Variants in FRAS1 observed in about 807,000 individuals in gnomAD.
FRAS1 encodes extracellular matrix organizing protein FRAS1.
In FRAS1, 290 loss-of-function variants were observed where a neutral mutation model predicts 435.2. That is an observed-to-expected ratio of 0.67 (90% confidence interval 0.61 to 0.73). The LOEUF is 0.73. Among genes scored for constraint, FRAS1 ranks in the 30% least tolerant of loss-of-function variants. The pLI, the probability that FRAS1 is intolerant of heterozygous loss-of-function variation, is 0.00. For missense variants in FRAS1, 4,860 were observed against 5,001.5 expected, an observed-to-expected ratio of 0.97 and a Z score of 0.85; for synonymous variants, 1,800 against 1,851.0, an observed-to-expected ratio of 0.97 and a Z score of 0.71.
At chr4:78,147,250 C>G (rs1720456761) in intron 2 of FRAS1, among the ~76,000 whole-genome samples, 1 of 152,168 alleles carries the variant, frequency 6.6e-6, no homozygotes, top group Non-Finnish European at 1.5e-5. Flanking sequence ...TACACTCTCT[C>G]AGATTCCCAC....
intron 2 of FRAS1, among the ~76,000 whole-genome samples, chr4:78,213,277 C>T (rs1044539556): frequency 2.6e-5 from 4 of 152,232 alleles, no homozygotes; most frequent in Non-Finnish European, 4.4e-5. Context: ...AGGTTTGTCC[C>T]CCCATTTGCA....
chr4:78,206,375 C>T (rs1412507787), intron 2 of FRAS1, among the ~76,000 whole-genome samples: 2 of 152,108 alleles, frequency 1.3e-5, no homozygotes, highest in Non-Finnish European at 2.9e-5. Context: ...CCCTCGGAGC[C>T]TTAAGAAAGA....
chr4:78,065,925 GGCAGT>G, intron 1 of FRAS1, 55 bp from the exon 2 acceptor site: 1 of 1,269,506 alleles, frequency 7.9e-7, no homozygotes, highest in Non-Finnish European at 1.1e-6. Flanking sequence ...AGCTTGCTGG[GGCAGT>G]GCCTATTGGT....
chr4:78,465,359 C>T (rs146841576), intron 49 of FRAS1, among the ~76,000 whole-genome samples: 143 of 152,224 alleles, frequency 9.4e-4, no homozygotes, highest in African/African-American at 3.3e-3. Flanking sequence ...CATATTATAT[C>T]AGATACAATA....
chr4:78,180,785 T>G, intron 2 of FRAS1: 1 of 1,051,150 alleles, frequency 9.5e-7, no homozygotes, highest in Non-Finnish European at 1.4e-6. Context: ...TTTTTTAATT[T>G]GTCATTTGGA....
At chr4:78,266,070 C>T (rs759927292) in intron 7 of FRAS1, among the ~76,000 whole-genome samples, 12 of 152,174 alleles carry the variant, frequency 7.9e-5, no homozygotes, top group Non-Finnish European at 1.2e-4. Flanking sequence ...GCATCTTCAA[C>T]TACAAGGAAC....
intron 18 of FRAS1, among the ~76,000 whole-genome samples, chr4:78,327,871 CTT>C (rs1170958714): frequency 6.6e-6 from 1 of 151,914 alleles, no homozygotes; most frequent in Admixed American, 6.6e-5. Context: ...AATTTCATGA[CTT>C]TTTTTTAAAG....
intron 27 of FRAS1, 60 bp from the exon 28 acceptor site, chr4:78,383,999 C>T (rs1560695281): frequency 7.9e-7 from 1 of 1,270,264 alleles, no homozygotes; most frequent in Non-Finnish European, 1.1e-6. Context: ...TAAGCCTTTT[C>T]TGTGTAAAGT....
chr4:78,075,098 C>T (rs1740570313), intron 2 of FRAS1, among the ~76,000 whole-genome samples: 1 of 152,128 alleles, frequency 6.6e-6, no homozygotes, highest in Non-Finnish European at 1.5e-5. Context: ...TTTAAATTTA[C>T]CAGTTAGATA....
At chr4:78,478,385 C>A (rs1032337296) in intron 55 of FRAS1, among the ~76,000 whole-genome samples, 13 of 152,160 alleles carry the variant, frequency 8.5e-5, no homozygotes, top group African/African-American at 3.1e-4. Context: ...TATTTAGTAA[C>A]CTTGGTCAAG....
In FRAS1 at chr4:78,508,772, C is replaced by T. The variant is rs1720930037; in HGVS notation, c.9546C>T (p.Thr3182=). The change falls in exon 63 of 74, where the codon ACC becomes ACT. Residue 3182 remains threonine (T), a synonymous_variant. Transcript: ENST00000512123. ...ACTATGACCATGTGGAAGAAGTTAC[C>T]AAGGAAGGAGTCAAGAAATCCCCCT... ...LADYDHVEEV[T]KEGVKKSPSP... 1 of 1,613,572 alleles carries T rather than the reference C, an allele frequency of 6.2e-7. No individual in the cohort carries two copies. The highest frequency in any genetic ancestry group is 8.5e-7 in the Non-Finnish European group (1 of 1,179,790).
At chr4:78,446,650 A>G in intron 42 of FRAS1, 77 bp from the exon 43 acceptor site, 2 of 1,519,982 alleles carry the variant, frequency 1.3e-6, no homozygotes, top group Non-Finnish European at 1.8e-6. Context: ...TGTAGCAATG[A>G]TACTGTCTCT....
At position 78,166,931 on chromosome 4, in the gene FRAS1, C is replaced by T. The variant is rs541093844; in HGVS notation, c.109-70579C>T. ...TCCTGGGAGCCATAGATTGTCTTTG[C>T]AAGAGCTGTTGTCAACCTGTGTTCC... On this transcript the variant is annotated intron_variant, in intron 2 of 73. Coordinates refer to ENST00000512123, the MANE Select transcript of FRAS1 (RefSeq NM_025074.7). Among the ~76,000 whole-genome samples, 7 of 152,300 alleles carry T rather than the reference C, an allele frequency of 4.6e-5. No individual in the cohort carries two copies. In the South Asian group the frequency reaches 1.2e-3, roughly 27 times the overall value.
intron 24 of FRAS1, among the ~76,000 whole-genome samples, chr4:78,373,697 C>G (rs575249370): frequency 6.6e-6 from 1 of 151,920 alleles, no homozygotes; most frequent in Non-Finnish European, 1.5e-5. Context: ...ATCGCTTGAA[C>G]CCGGGAGGCA....
chr4:78,284,802 T>C (rs2110184637), intron 13 of FRAS1, among the ~76,000 whole-genome samples: 1 of 152,314 alleles, frequency 6.6e-6, no homozygotes, highest in Non-Finnish European at 1.5e-5. Flanking sequence ...ACAGGTGATG[T>C]GGAGGTTGTT....
At chr4:78,198,561 C>G (rs975275911) in intron 2 of FRAS1, among the ~76,000 whole-genome samples, 1 of 152,212 alleles carries the variant, frequency 6.6e-6, no homozygotes, top group African/African-American at 2.4e-5. Flanking sequence ...TTTTGCTGCT[C>G]TCTCTGGTTC....
At position 78,413,025 on chromosome 4, in the gene FRAS1, G is replaced by T. The variant is rs375417798; in HGVS notation, c.4365G>T (p.Ala1455=). 6.2e-7 allele frequency: 1 copy of T among 1,610,394 alleles called. No homozygotes were observed. Among genetic ancestry groups the T allele is most frequent in the East Asian group, 2.2e-5 (1 of 44,582 alleles). The part of the protein sequence containing the change: ...TRLESHMFNI[A]ILPQTPEAPK... ...TGGAGAGCCACATGTTCAACATCGC[G>T]ATCTTACCACAGACACCTGAAGCAC... is the stretch of plus-strand genomic sequence containing the variant. Residue 1455 remains alanine, a synonymous_variant, in exon 32 of 74, where the codon GCG becomes GCT. Transcript: ENST00000512123.
chr4:78,509,235 A>C (rs1720953917), intron 63 of FRAS1, among the ~76,000 whole-genome samples: 1 of 152,240 alleles, frequency 6.6e-6, no homozygotes, highest in Non-Finnish European at 1.5e-5. Flanking sequence ...TGCCTGTTTT[A>C]AACTAAATAA....
intron 53 of FRAS1, 115 bp downstream of exon 53, chr4:78,473,712 T>C: frequency 1.5e-6 from 1 of 660,290 alleles, no homozygotes; most frequent in South Asian, 2.7e-5. Context: ...GTGATGGTGA[T>C]GATGGCAGTG....
Sources: gnomAD v4.1 joint callset for allele counts (sites outside exome capture counted in the v4.1 genomes callset) on GRCh38, gnomAD v4.1.1 for gene constraint, MANE v1.5 for transcripts, NCBI Gene and HGNC (gene_info 2026-07-23, HGNC 2026-07-21) for gene names.